GNA11: variants seen among roughly 807,000 people sequenced by gnomAD.
The protein encoded by GNA11 is G protein subunit alpha 11.
A neutral mutation model predicts 38.2 loss-of-function variants in GNA11; 8 were observed. The ratio of observed to expected loss-of-function variants is 0.21; its 90% confidence interval spans 0.12 to 0.38. The LOEUF (loss-of-function observed/expected upper bound fraction) is 0.38, where lower values mean the gene tolerates loss of function less well. Among genes scored for constraint, GNA11 ranks in the 10% least tolerant of loss-of-function variants. The pLI, the probability that GNA11 is intolerant of heterozygous loss-of-function variation, is 1.00. For missense variants in GNA11, 268 were observed against 516.3 expected, an observed-to-expected ratio of 0.52 and a Z score of 4.66; for synonymous variants, 211 against 221.4, an observed-to-expected ratio of 0.95 and a Z score of 0.42.
At position 3,123,579 on chromosome 19, in the gene GNA11, CAT is replaced by C. The variant is rs1914143249; in HGVS notation, c.*2401_*2402del. ...GTGAGTGCCGACCACCTTCTCCGAC[CAT>C]GTTACGCCCGGGCGGCAGCAGCCCC... is the stretch of plus-strand genomic sequence containing the variant. On this transcript the variant is annotated 3_prime_UTR_variant, in exon 7 of 7. Transcript: ENST00000078429. The C allele has an allele frequency of 4.3e-6, 1 of 233,082 alleles. No homozygotes were observed. Among genetic ancestry groups the C allele is most frequent in the Non-Finnish European group, 8.5e-6 (1 of 118,002 alleles). The allele number at this position is 233,082 out of a possible 1,614,324, so 14.4% of individuals were successfully genotyped here. A position where few individuals can be genotyped will look rare whatever the true frequency, so the allele number is the denominator to read the frequency against.
intron 1 of GNA11, among the ~76,000 whole-genome samples, chr19:3,105,840 G>C (rs1913627170): frequency 6.6e-6 from 1 of 152,190 alleles, no homozygotes; most frequent in African/African-American, 2.4e-5. Context: ...AGCTGCCGTG[G>C]TGCTTGGTGT....
chr19:3,121,420 T>C lies in GNA11; in HGVS notation c.*241T>C. 1 of 333,430 alleles carries C rather than the reference T, an allele frequency of 3.0e-6. No homozygotes were observed. The allele number at this position is 333,430 out of a possible 1,614,324, so 20.7% of individuals were successfully genotyped here. ...CCTTTTGTCAACGGCAAAGGCAGCC[T>C]TTTTCTGGCCTTGACTTATGGCTCG... On this transcript the variant is annotated 3_prime_UTR_variant, in exon 7 of 7. Transcript: ENST00000078429.
chr19:3,113,293 A>G, intron 2 of GNA11, 37 bp from the exon 3 acceptor site: 1 of 1,602,664 alleles, frequency 6.2e-7, no homozygotes, highest in Non-Finnish European at 8.5e-7. Flanking sequence ...GTGTGGCCCC[A>G]GCGAGCTCTC....
In GNA11 at chr19:3,094,893, C is replaced by A; in HGVS notation, c.136+106C>A. 1.2e-6 allele frequency: 1 copy of A among 808,138 alleles called. No homozygotes were observed. The highest frequency in any genetic ancestry group is 1.7e-6 in the Non-Finnish European group (1 of 572,994). 50.1% of individuals were successfully genotyped at this position (808,138 alleles called of 1,614,324 possible). Reference sequence around the variant, plus strand: ...CCTCCGGGGTCAGCCCTGCCTGTGCCGTCCGGGTCGCGAGACCCTCCGGGG... The same window carrying A: ...CCTCCGGGGTCAGCCCTGCCTGTGCAGTCCGGGTCGCGAGACCCTCCGGGG... On this transcript the variant is annotated intron_variant, in intron 1 of 6. Coordinates refer to ENST00000078429, the MANE Select transcript of GNA11 (RefSeq NM_002067.5). This position sits in a 1 kb window ranked among gnomAD's most constrained non-coding sequence, Gnocchi z 6.0.
At chr19:3,105,839 G>T (rs1311069682) in intron 1 of GNA11, among the ~76,000 whole-genome samples, 3 of 152,162 alleles carry the variant, frequency 2.0e-5, no homozygotes, top group African/African-American at 7.2e-5. Flanking sequence ...AAGCTGCCGT[G>T]GTGCTTGGTG....
In GNA11 at chr19:3,110,353, G is replaced by C; in HGVS notation, c.321+20G>C. The C allele has an allele frequency of 6.3e-7, 1 of 1,593,442 alleles. No individual in the cohort carries two copies. The highest frequency in any genetic ancestry group is 8.6e-7 in the Non-Finnish European group (1 of 1,162,826). ...AACAAGGTGAGCCCGCGGGCGCCTG[G>C]GGAGGGGAGCGCCTGGGCAGCTGTG... On this transcript the variant is annotated intron_variant, in intron 2 of 6. Coordinates refer to ENST00000078429, the MANE Select transcript of GNA11 (RefSeq NM_002067.5). This position sits in a 1 kb window ranked among gnomAD's most constrained non-coding sequence, Gnocchi z 5.4.
chr19:3,105,989 G>A (rs308054), intron 1 of GNA11, among the ~76,000 whole-genome samples: 55,069 of 151,956 alleles, frequency 0.36, 10,862 homozygotes, highest in Non-Finnish European at 0.45. Context: ...ATTGTCTCAG[G>A]AGGAGTGGGC....
At chr19:3,098,500 C>A (rs1467026390) in intron 1 of GNA11, among the ~76,000 whole-genome samples, 1 of 152,218 alleles carries the variant, frequency 6.6e-6, no homozygotes, top group African/African-American at 2.4e-5. Context: ...TGGTTGGAAA[C>A]GTGGGGACTT....
At chr19:3,097,728 C>T (rs537090193) in intron 1 of GNA11, among the ~76,000 whole-genome samples, 2 of 152,344 alleles carry the variant, frequency 1.3e-5, no homozygotes, top group East Asian at 1.9e-4. Flanking sequence ...CCGCCTCTCC[C>T]GCGGCGGCTA....
At chr19:3,114,529 A>T (rs966835490) in intron 3 of GNA11, among the ~76,000 whole-genome samples, 1 of 151,118 alleles carries the variant, frequency 6.6e-6, no homozygotes, top group Non-Finnish European at 1.5e-5. Context: ...TGCAGCTGCG[A>T]CTCTCCTAAT....
At position 3,122,644 on chromosome 19, in the gene GNA11, G is replaced by A. The variant is rs899946881; in HGVS notation, c.*1465G>A. On this transcript the variant is annotated 3_prime_UTR_variant, in exon 7 of 7. Coordinates refer to ENST00000078429, the MANE Select transcript of GNA11 (RefSeq NM_002067.5). The surrounding 1 kb of genome is among the most constrained non-coding windows in gnomAD (Gnocchi z 7.7). ...CTGTGGTTCCGGGCTTCGCACAGCT[G>A]TCCCAGGGATGGATCGCCTGTGCTG... 7 of 233,360 alleles carry A rather than the reference G, an allele frequency of 3.0e-5. No individual in the cohort carries two copies. The highest frequency in any genetic ancestry group is 5.9e-5 in the Non-Finnish European group (7 of 118,204). The allele number at this position is 233,360 out of a possible 1,614,324, so 14.5% of individuals were successfully genotyped here. A position where few individuals can be genotyped will look rare whatever the true frequency, so the allele number is the denominator to read the frequency against.
rs932080964 is a variant in GNA11, at chr19:3,115,203, A to G, written c.605+131A>G. On this transcript the variant is annotated intron_variant, in intron 4 of 6. Transcript: ENST00000078429. ...AGGATCGCCTGAGTCCAGGAGTTTGAGACCACCCTGGGCAACATAGCCAGA... is the reference window on the plus strand; with the variant it reads ...AGGATCGCCTGAGTCCAGGAGTTTGGGACCACCCTGGGCAACATAGCCAGA... The G allele has an allele frequency of 5.3e-5, 55 of 1,043,244 alleles. No individual in the cohort carries two copies. The African/African-American group carries it at 7.5e-4, about 14-fold the overall frequency. 64.6% of individuals were successfully genotyped at this position (1,043,244 alleles called of 1,614,324 possible).
At chr19:3,097,236 C>T (rs917371458) in intron 1 of GNA11, among the ~76,000 whole-genome samples, 6 of 152,144 alleles carry the variant, frequency 3.9e-5, no homozygotes, top group Non-Finnish European at 7.4e-5. Context: ...CTGCGGCCCA[C>T]GGAATGTTCA....
Position 3,122,489 on chromosome 19 carries a change from T to A in GNA11, c.*1310T>A, listed in dbSNP as rs1914106850. 4.3e-6 allele frequency: 1 copy of A among 231,332 alleles called. No individual in the cohort carries two copies. 14.3% of individuals were successfully genotyped at this position (231,332 alleles called of 1,614,324 possible). A position where few individuals can be genotyped will look rare whatever the true frequency, so the allele number is the denominator to read the frequency against. ...CTGAGCCACAGCCCCGGGGGCCGCC[T>A]CCCGGGGCCCCTTGAGGCACTGAGG... On this transcript the variant is annotated 3_prime_UTR_variant, in exon 7 of 7. Transcript: ENST00000078429. The surrounding 1 kb of genome is among the most constrained non-coding windows in gnomAD (Gnocchi z 7.7).
chr19:3,094,798 C>T lies in GNA11; in HGVS notation c.136+11C>T, dbSNP rs780140264. 6.5e-7 allele frequency: 1 copy of T among 1,544,300 alleles called. No individual in the cohort carries two copies. The highest frequency in any genetic ancestry group is 1.2e-5 in the South Asian group (1 of 82,096). ...AGCTGCTGCTGCTCGGTGAGTGCGG[C>T]CCCCGGGCCTGCCGGCTGCGGGCCC... On this transcript the variant is annotated intron_variant, in intron 1 of 6. Coordinates refer to ENST00000078429, the MANE Select transcript of GNA11 (RefSeq NM_002067.5). This position sits in a 1 kb window ranked among gnomAD's most constrained non-coding sequence, Gnocchi z 6.0.
At chr19:3,103,906 C>T (rs1207021143) in intron 1 of GNA11, among the ~76,000 whole-genome samples, 3 of 151,908 alleles carry the variant, frequency 2.0e-5, no homozygotes, top group African/African-American at 4.8e-5. Flanking sequence ...AGGATGGTCT[C>T]GATCTCCTGA....
chr19:3,120,711 C>T lies in GNA11; in HGVS notation c.890-278C>T, dbSNP rs910809323. ...GCTGTGGAGCTGAGTGGATAGAGGCCGGCAGAGGGCTGAGCAGAGGGAGCA... is the reference window on the plus strand; with the variant it reads ...GCTGTGGAGCTGAGTGGATAGAGGCTGGCAGAGGGCTGAGCAGAGGGAGCA... On this transcript the variant is annotated intron_variant, in intron 6 of 6. Coordinates refer to ENST00000078429, the MANE Select transcript of GNA11 (RefSeq NM_002067.5). The surrounding 1 kb of genome is among the most constrained non-coding windows in gnomAD (Gnocchi z 5.9). 3.9e-5 allele frequency among the ~76,000 whole-genome samples: 6 copies of T among 152,084 alleles called. No individual in the cohort carries two copies. Among genetic ancestry groups the T allele is most frequent in the African/African-American group, 7.2e-5 (3 of 41,406 alleles).
Position 3,121,457 on chromosome 19 carries a change from A to T in GNA11, c.*278A>T, listed in dbSNP as rs1209406636. On this transcript the variant is annotated 3_prime_UTR_variant, in exon 7 of 7. Coordinates refer to ENST00000078429, the MANE Select transcript of GNA11 (RefSeq NM_002067.5). ...TGACTTATGGCTCGCTTTTTTCTAA[A>T]AAAAAAAAAAAAAGAAAGAAAGAAA... is the stretch of plus-strand genomic sequence containing the variant. The T allele has an allele frequency of 8.1e-6, 2 of 247,744 alleles. No individual in the cohort carries two copies. Among genetic ancestry groups the T allele is most frequent in the Non-Finnish European group, 1.5e-5 (2 of 130,144 alleles). The allele number at this position is 247,744 out of a possible 1,614,324, so 15.3% of individuals were successfully genotyped here. A position where few individuals can be genotyped will look rare whatever the true frequency, so the allele number is the denominator to read the frequency against.
chr19:3,119,080 C>G lies in GNA11; in HGVS notation c.735+27C>G, dbSNP rs779001946. 6.2e-7 allele frequency: 1 copy of G among 1,609,632 alleles called. No homozygotes were observed. Among genetic ancestry groups the G allele is most frequent in the Non-Finnish European group, 8.5e-7 (1 of 1,177,164 alleles). On this transcript the variant is annotated intron_variant, in intron 5 of 6. Coordinates refer to ENST00000078429, the MANE Select transcript of GNA11 (RefSeq NM_002067.5). The surrounding 1 kb of genome is among the most constrained non-coding windows in gnomAD (Gnocchi z 4.6). ...TGGGCCCTGCCCTGAGCAGGGGCAG[C>G]GTTGGGGGCCGGGCCTTCCCCACCT...
Sources: allele counts gnomAD v4.1 joint callset (sites outside exome capture counted in the v4.1 genomes callset), GRCh38; gene constraint gnomAD v4.1.1; non-coding constraint Gnocchi (gnomAD v3.1); transcripts MANE v1.5; gene names NCBI Gene and HGNC (gene_info 2026-07-23, HGNC 2026-07-21).